Variants in PUS10 observed in about 807,000 individuals in gnomAD.
The protein encoded by PUS10 is tRNA pseudouridine synthase Pus10.
A neutral mutation model predicts 75.0 loss-of-function variants in PUS10; 59 were observed. The observed-to-expected ratio is 0.79, with a 90% CI of 0.64 to 0.98. The LOEUF (loss-of-function observed/expected upper bound fraction) is 0.98. Ranked by LOEUF, PUS10 falls within the 50% of genes least tolerant of loss-of-function variation. The pLI is 0.00. For missense variants in PUS10, 650 were observed against 614.4 expected, an observed-to-expected ratio of 1.06 and a Z score of -0.61; for synonymous variants, 219 against 211.6, an observed-to-expected ratio of 1.03 and a Z score of -0.30.
Position 60,953,894 on chromosome 2 carries a change from C to T in PUS10, c.1190+39G>A, listed in dbSNP as rs779800156. The stretch of plus-strand genomic sequence containing the variant: ...CAAGATATGTGACCTGCAACTAAAA[C>T]GTCCCTTTTGAAATCATCTCCAATG... On this transcript the variant is annotated intron_variant, in intron 14 of 17. Coordinates refer to ENST00000316752, the MANE Select transcript of PUS10 (RefSeq NM_144709.4). 1.6e-5 allele frequency: 25 copies of T among 1,549,840 alleles called. No homozygotes were observed. In the East Asian group the frequency reaches 2.2e-4, roughly 14 times the overall value.
At chr2:60,993,348 T>C (rs1678236658) in intron 4 of PUS10, among the ~76,000 whole-genome samples, 1 of 151,978 alleles carries the variant, frequency 6.6e-6, no homozygotes. Flanking sequence ...TCCCCGCTAC[T>C]TGACAGGCTG....
In PUS10 at chr2:60,941,974, T is replaced by C. The variant is rs1674648180; in HGVS notation, c.*421A>G. 1 of 159,506 alleles carries C rather than the reference T, an allele frequency of 6.3e-6. No homozygotes were observed. The highest frequency in any genetic ancestry group is 1.4e-5 in the Non-Finnish European group (1 of 72,488). 9.9% of individuals were successfully genotyped at this position (159,506 alleles called of 1,614,324 possible). Reference sequence around the variant, plus strand: ...GGATATTATGCTGCATAAATCTAGATATAACTTTTATTCAGATAATTTACA... The same window carrying C: ...GGATATTATGCTGCATAAATCTAGACATAACTTTTATTCAGATAATTTACA... On this transcript the variant is annotated 3_prime_UTR_variant, in exon 18 of 18. Coordinates refer to ENST00000316752, the MANE Select transcript of PUS10 (RefSeq NM_144709.4).
At chr2:60,989,973 A>G (rs1168044521) in intron 4 of PUS10, among the ~76,000 whole-genome samples, 4 of 152,112 alleles carry the variant, frequency 2.6e-5, no homozygotes, top group Admixed American at 2.6e-4. Context: ...CTCACCAACA[A>G]TAAGCAGGCA....
At chr2:60,973,364 C>A (rs527539130) in intron 4 of PUS10, among the ~76,000 whole-genome samples, 1 of 152,372 alleles carries the variant, frequency 6.6e-6, no homozygotes, top group African/African-American at 2.4e-5. Flanking sequence ...GGGAAGGCCC[C>A]CCCGTTGTCC....
chr2:60,961,697 TGG>T, intron 9 of PUS10, 149 bp from the exon 10 acceptor site: 1 of 679,254 alleles, frequency 1.5e-6, no homozygotes, highest in African/African-American at 1.8e-5. Context: ...TGCAGGCCTG[TGG>T]AGTAACAATT....
rs1042173446 is a variant in PUS10, at chr2:60,942,339, C to A, written c.*56G>T. 6.9e-7 allele frequency: 1 copy of A among 1,445,028 alleles called. No individual in the cohort carries two copies. The highest frequency in any genetic ancestry group is 1.7e-5 in the Admixed American group (1 of 59,758). The allele number at this position is 1,445,028 out of a possible 1,614,324, so 89.5% of individuals were successfully genotyped here. On this transcript the variant is annotated 3_prime_UTR_variant, in exon 18 of 18. Transcript: ENST00000316752. ...AACAGCCATTTTACGGCATGTGCTCCATGGATGTCCACATCATGCCAGGAA... is the reference window on the plus strand; with the variant it reads ...AACAGCCATTTTACGGCATGTGCTCAATGGATGTCCACATCATGCCAGGAA...
intron 4 of PUS10, among the ~76,000 whole-genome samples, chr2:60,978,849 G>A (rs183677971): frequency 3.7e-4 from 56 of 152,340 alleles, no homozygotes; most frequent in African/African-American, 1.3e-3. Context: ...ATGATAAAGT[G>A]TAGGCAACTT....
At chr2:60,959,018 C>T (rs1392612733) in intron 11 of PUS10, among the ~76,000 whole-genome samples, 1 of 152,188 alleles carries the variant, frequency 6.6e-6, no homozygotes, top group Non-Finnish European at 1.5e-5. Context: ...CTGCCTTTGA[C>T]CTGACAGGCC....
At chr2:60,971,414 T>C (rs1573433858) in intron 5 of PUS10, 109 bp downstream of exon 5, 9 of 948,020 alleles carry the variant, frequency 9.5e-6, no homozygotes, top group Middle Eastern at 4.3e-4. Flanking sequence ...ATTTCTCTAG[T>C]AGCTAGTGAA....
At chr2:60,982,325 C>T (rs966315156) in intron 4 of PUS10, among the ~76,000 whole-genome samples, 3 of 152,078 alleles carry the variant, frequency 2.0e-5, no homozygotes, top group Non-Finnish European at 2.9e-5. Context: ...TGCAGTGGCA[C>T]GATCTTGGCT....
Position 60,940,657 on chromosome 2 carries a change from T to C in PUS10, c.*1738A>G, listed in dbSNP as rs1343671952. The stretch of plus-strand genomic sequence containing the variant: ...TCATTTCAGTTTGCTAAGCACATTC[T>C]TCATTCTTACATATTACAGGTCCAC... On this transcript the variant is annotated 3_prime_UTR_variant, in exon 18 of 18. Coordinates refer to ENST00000316752, the MANE Select transcript of PUS10 (RefSeq NM_144709.4). 1 of 152,338 alleles carries C rather than the reference T, an allele frequency of 6.6e-6. No homozygotes were observed. The highest frequency in any genetic ancestry group is 1.9e-4 in the East Asian group (1 of 5,336). The allele number at this position is 152,338 out of a possible 1,614,324, so 9.4% of individuals were successfully genotyped here.
At chr2:61,002,894 T>C (rs1440720803) in intron 4 of PUS10, among the ~76,000 whole-genome samples, 3 of 152,230 alleles carry the variant, frequency 2.0e-5, no homozygotes, top group Non-Finnish European at 4.4e-5. Context: ...AAACCCTGAA[T>C]ACCGCCTTTA....
intron 1 of PUS10, 33 bp downstream of exon 1, chr2:61,017,975 G>A: frequency 1.5e-6 from 2 of 1,322,188 alleles, no homozygotes; most frequent in Non-Finnish European, 2.1e-6. Flanking sequence ...CCAACCTTGG[G>A]GATAGGGGCC....
In PUS10 at chr2:60,986,560, T is replaced by C. The variant is rs1380498068; in HGVS notation, c.469-15003A>G. ...GTGAATTTTGCACTTTTCTTAAAAT[T>C]ATATGAATTTTGTGAAAAATAGGTT... On this transcript the variant is annotated intron_variant, in intron 4 of 17. Coordinates refer to ENST00000316752, the MANE Select transcript of PUS10 (RefSeq NM_144709.4). Among the ~76,000 whole-genome samples the C allele has an allele frequency of 2.0e-5, 3 of 152,216 alleles. No individual in the cohort carries two copies. The East Asian group carries it at 5.8e-4, about 29-fold the overall frequency.
chr2:61,003,578 C>T (rs982067222), intron 4 of PUS10, among the ~76,000 whole-genome samples: 1 of 151,140 alleles, frequency 6.6e-6, no homozygotes, highest in Non-Finnish European at 1.5e-5. Context: ...AGGGTCTTGC[C>T]CTGTCACCCA....
intron 8 of PUS10, among the ~76,000 whole-genome samples, chr2:60,964,759 G>A (rs1279944793): frequency 3.9e-5 from 6 of 152,060 alleles, no homozygotes; most frequent in Admixed American, 6.6e-5. Flanking sequence ...TCTAAACGTC[G>A]AATTTAATGA....
intron 5 of PUS10, 91 bp downstream of exon 5, chr2:60,971,432 T>C: frequency 4.3e-6 from 5 of 1,164,408 alleles, no homozygotes; most frequent in Non-Finnish European, 6.5e-6. Context: ...GAATGCACTA[T>C]AAAAATAGAG....
chr2:61,004,553 T>C (rs1160658300), intron 4 of PUS10, among the ~76,000 whole-genome samples: 1 of 138,426 alleles, frequency 7.2e-6, no homozygotes, highest in East Asian at 2.1e-4. Context: ...GGCATGAACC[T>C]GGGAGGCGGA....
At chr2:60,952,063 C>T (rs955477574) in intron 15 of PUS10, among the ~76,000 whole-genome samples, 8 of 152,062 alleles carry the variant, frequency 5.3e-5, no homozygotes, top group Non-Finnish European at 7.4e-5. Flanking sequence ...TGGCCGGGCA[C>T]GGTGCCTCAT....
Sources: allele counts gnomAD v4.1 joint callset (sites outside exome capture counted in the v4.1 genomes callset), GRCh38; gene constraint gnomAD v4.1.1; transcripts MANE v1.5; gene names NCBI Gene and HGNC (gene_info 2026-07-23, HGNC 2026-07-21).